The following GCGR variants were observed in gnomAD, a reference collection of about 807,000 sequenced individuals.
The protein encoded by GCGR is glucagon receptor.
A neutral mutation model predicts 56.1 loss-of-function variants in GCGR; 41 were observed. The ratio of observed to expected loss-of-function variants is 0.73; its 90% CI spans 0.57 to 0.95. GCGR has a LOEUF of 0.95. Among genes scored for constraint, GCGR ranks in the 40% least tolerant of loss-of-function variants. The probability of loss-of-function intolerance (pLI) is 0.00; values close to 1 mark genes in which losing one functional copy is unlikely to be tolerated. For synonymous variants in GCGR, 278 were observed against 271.1 expected (o/e 1.03, Z -0.25); for missense variants, 595 against 638.2 (o/e 0.93, Z 0.73).
rs149501260 is a variant in GCGR, at chr17:81,804,863, C to G, written c.-178+614C>G. On this transcript the variant is annotated intron_variant, in intron 1 of 13. Coordinates refer to ENST00000400723, the MANE Select transcript of GCGR (RefSeq NM_000160.5). This position sits in a 1 kb window ranked among gnomAD's most constrained non-coding sequence, Gnocchi z 8.2. ...CCCCACCACCCGGCCGACTCGGCCACCGGGCTTATGCTCCGACTCTGAACC... is the reference window on the plus strand; with the variant it reads ...CCCCACCACCCGGCCGACTCGGCCAGCGGGCTTATGCTCCGACTCTGAACC... Among the ~76,000 whole-genome samples, 398 of 152,094 alleles carry G rather than the reference C, an allele frequency of 2.6e-3. 2 individuals are homozygous for G. Among genetic ancestry groups the G allele is most frequent in the African/African-American group, 8.9e-3 (370 of 41,502 alleles).
At position 81,813,533 on chromosome 17, in the gene GCGR, G is replaced by A. The variant is rs1354798904; in HGVS notation, c.1278G>A (p.Glu426=). ...HRWRLGKVLW[E]ERNTSNHRAS... The stretch of plus-strand genomic sequence containing the variant: ...GGCGCCTGGGCAAAGTGCTATGGGA[G>A]GAGCGGAACACCAGCAACCACAGGG... The change falls in exon 14 of 14, where the codon GAG becomes GAA. Residue 426 remains glutamate, a synonymous_variant. Transcript: ENST00000400723. The surrounding 1 kb of genome is among the most constrained non-coding windows in gnomAD (Gnocchi z 5.3). The A allele has an allele frequency of 1.3e-6, 2 of 1,536,006 alleles. No homozygotes were observed. The highest frequency in any genetic ancestry group is 1.2e-5 in the South Asian group (1 of 84,064).
In GCGR at chr17:81,810,274, C is replaced by G; in HGVS notation, c.163+390C>G. On this transcript the variant is annotated intron_variant, in intron 3 of 13. Coordinates refer to ENST00000400723, the MANE Select transcript of GCGR (RefSeq NM_000160.5). This position sits in a 1 kb window ranked among gnomAD's most constrained non-coding sequence, Gnocchi z 4.6. ...TGGAGAGTGTATATCATGGCCTGGA[C>G]ACTTGGGGTGCAGGGAGAGGATAGG... 2.8e-6 allele frequency: 1 copy of G among 361,634 alleles called. No homozygotes were observed. Among genetic ancestry groups the G allele is most frequent in the Non-Finnish European group, 5.3e-6 (1 of 186,932 alleles). The allele number at this position is 361,634 out of a possible 1,614,324, so 22.4% of individuals were successfully genotyped here. A position where few individuals can be genotyped will look rare whatever the true frequency, so the allele number is the denominator to read the frequency against.
rs1316349295 is a variant in GCGR, at chr17:81,811,332, G to A, written c.500+4G>A. 6.5e-7 allele frequency: 1 copy of A among 1,534,632 alleles called. No individual in the cohort carries two copies. Among genetic ancestry groups the A allele is most frequent in the Non-Finnish European group, 8.7e-7 (1 of 1,145,692 alleles). ...TGGCCATCCTGGGGGGCCTCAGGTA[G>A]GATTCCGCCAGCGCCCGGGGCGGCC... On this transcript the variant is annotated splice_donor_region_variant and intron_variant, in intron 6 of 13. Transcript: ENST00000400723. The surrounding 1 kb of genome is among the most constrained non-coding windows in gnomAD (Gnocchi z 5.8).
chr17:81,811,035 A>T lies in GCGR; in HGVS notation c.297A>T (p.Arg99Ser), dbSNP rs1193513499. 6.5e-7 allele frequency: 1 copy of T among 1,535,930 alleles called. No homozygotes were observed. Among genetic ancestry groups the T allele is most frequent in the African/African-American group, 1.4e-5 (1 of 72,998 alleles). Residue 99 changes from arginine to serine, a missense_variant, in exon 5 of 14, where the codon AGA (arginine) becomes AGT (serine). Coordinates refer to ENST00000400723, the MANE Select transcript of GCGR (RefSeq NM_000160.5). The surrounding 1 kb of genome is among the most constrained non-coding windows in gnomAD (Gnocchi z 5.8). Reference protein sequence around the residue: ...HKVQHRFVFKRCGPDGQWVRG... With the variant: ...HKVQHRFVFKSCGPDGQWVRG... ...TGCAACACCGCTTCGTGTTCAAGAG[A>T]TGCGGGCCCGACGGTCAGTGGGTGC...
At position 81,809,726 on chromosome 17, in the gene GCGR, T is replaced by TCTGTCTACCTGC. The variant is rs1555709456; in HGVS notation, c.61-50_61-49insACCTGCCTGTCT. On this transcript the variant is annotated intron_variant, in intron 2 of 13. Transcript: ENST00000400723. ...GCCTGTCTGCCTGTCTGTCTGCCTG[T>TCTGTCTACCTGC]CTGTCTGCCTGCCTGTCTGTCTGTC... The TCTGTCTACCTGC allele has an allele frequency of 8.9e-4, 1,159 of 1,300,566 alleles. 13 individuals are homozygous for TCTGTCTACCTGC. The African/African-American group carries it at 0.015, about 17-fold the overall frequency. The allele number at this position is 1,300,566 out of a possible 1,614,324, so 80.6% of individuals were successfully genotyped here.
rs896547621 is a variant in GCGR at position 81,806,786 on chromosome 17, C to T, written c.-177-2056C>T. ...TCCTCCCCCCAGGGTGAGCACGCGT[C>T]CCCCCCCACCCCCACTTCGAGGCGC... On this transcript the variant is annotated intron_variant, in intron 1 of 13. Transcript: ENST00000400723. This position sits in a 1 kb window ranked among gnomAD's most constrained non-coding sequence, Gnocchi z 6.5. 3.3e-3 allele frequency among the ~76,000 whole-genome samples: 2 copies of T among 612 alleles called. No individual in the cohort carries two copies. The highest frequency in any genetic ancestry group is 0.022 in the African/African-American group (2 of 92). 0.4% of individuals were successfully genotyped at this position (612 alleles called of 152,430 possible). A position where few individuals can be genotyped will look rare whatever the true frequency, so the allele number is the denominator to read the frequency against.
chr17:81,811,841 G>T lies in GCGR; in HGVS notation c.817+31G>T. On this transcript the variant is annotated intron_variant, in intron 8 of 13. Coordinates refer to ENST00000400723, the MANE Select transcript of GCGR (RefSeq NM_000160.5). This position sits in a 1 kb window ranked among gnomAD's most constrained non-coding sequence, Gnocchi z 5.8. ...TGGGCTGGCATGAGAGGGGGTTAAG[G>T]CAGGCTGACCAAGCCTTTGGGACCA... 6.5e-7 allele frequency: 1 copy of T among 1,537,034 alleles called. No individual in the cohort carries two copies. Among genetic ancestry groups the T allele is most frequent in the Non-Finnish European group, 8.7e-7 (1 of 1,146,890 alleles).
chr17:81,812,426 TG>T lies in GCGR; in HGVS notation c.949-149del, dbSNP rs2038121545. On this transcript the variant is annotated intron_variant, in intron 10 of 13. Transcript: ENST00000400723. The surrounding 1 kb of genome is among the most constrained non-coding windows in gnomAD (Gnocchi z 8.5). ...GACACTGAGCCAGGCTGTTCCTCCC[TG>T]GCTGTGTGCCCACCAGCCCCAGGGC... is the stretch of plus-strand genomic sequence containing the variant. 1 of 1,038,200 alleles carries T rather than the reference TG, an allele frequency of 9.6e-7. No homozygotes were observed. The highest frequency in any genetic ancestry group is 2.6e-5 in the East Asian group (1 of 38,308). The allele number at this position is 1,038,200 out of a possible 1,614,324, so 64.3% of individuals were successfully genotyped here.
Position 81,811,700 on chromosome 17 carries a change from T to C in GCGR, c.707T>C (p.Val236Ala). ...VAAVFMQYGIVANYCWLLVEG... is the reference protein window; with the variant it reads ...VAAVFMQYGIAANYCWLLVEG... Reference sequence around the variant, plus strand: ...GCGGTGTTCATGCAATATGGCATCGTGGCCAACTACTGCTGGCTGCTGGTG... The same window carrying C: ...GCGGTGTTCATGCAATATGGCATCGCGGCCAACTACTGCTGGCTGCTGGTG... The change falls in exon 8 of 14, where the codon GTG (valine) becomes GCG (alanine). Residue 236 changes from valine to alanine, a missense_variant. Physicochemically the swap from Val to Ala is moderately conservative, Grantham distance 64. Transcript: ENST00000400723. This position sits in a 1 kb window ranked among gnomAD's most constrained non-coding sequence, Gnocchi z 5.8. The C allele has an allele frequency of 1.3e-6, 2 of 1,543,142 alleles. No homozygotes were observed.
rs368849606 is a variant in GCGR at position 81,812,179 on chromosome 17, G to C, written c.879-4G>C. ...CCCAGTATGTGAGTGGCCTGGCCTCGCAGGTGCTGGACCAGCAATGACAAC... is the reference window on the plus strand; with the variant it reads ...CCCAGTATGTGAGTGGCCTGGCCTCCCAGGTGCTGGACCAGCAATGACAAC... On this transcript the variant is annotated splice_region_variant and splice_polypyrimidine_tract_variant and intron_variant, in intron 9 of 13. Coordinates refer to ENST00000400723, the MANE Select transcript of GCGR (RefSeq NM_000160.5). This position sits in a 1 kb window ranked among gnomAD's most constrained non-coding sequence, Gnocchi z 8.5. The C allele has an allele frequency of 1.4e-5, 21 of 1,536,128 alleles. No homozygotes were observed. The highest frequency in any genetic ancestry group is 1.8e-5 in the Non-Finnish European group (21 of 1,146,766).
rs769543584 is a variant in GCGR, at chr17:81,813,703, C to A, written c.*14C>A. 3.3e-6 allele frequency: 5 copies of A among 1,532,766 alleles called. No homozygotes were observed. Among genetic ancestry groups the A allele is most frequent in the Middle Eastern group, 2.1e-4 (1 of 4,814 alleles). 94.9% of individuals were successfully genotyped at this position (1,532,766 alleles called of 1,614,324 possible). ...AGCCCCTTCTGAACCCTGCTGGGAC[C>A]CCAGCTAGGGCTGGACTCTGGCACC... On this transcript the variant is annotated 3_prime_UTR_variant, in exon 14 of 14. Coordinates refer to ENST00000400723, the MANE Select transcript of GCGR (RefSeq NM_000160.5). The surrounding 1 kb of genome is among the most constrained non-coding windows in gnomAD (Gnocchi z 5.3).
In GCGR at chr17:81,813,394, G is replaced by A. The variant is rs529821403; in HGVS notation, c.1219-80G>A. On this transcript the variant is annotated intron_variant, in intron 13 of 13. Transcript: ENST00000400723. The surrounding 1 kb of genome is among the most constrained non-coding windows in gnomAD (Gnocchi z 5.3). Reference sequence around the variant, plus strand: ...CTCAGAGCGGAGACTGGGCATCTCCGATGAGGCCCACAGCAGGTCCCGGTG... The same window carrying A: ...CTCAGAGCGGAGACTGGGCATCTCCAATGAGGCCCACAGCAGGTCCCGGTG... 2.6e-4 allele frequency: 351 copies of A among 1,342,198 alleles called. No individual in the cohort carries two copies. The highest frequency in any genetic ancestry group is 3.0e-4 in the Non-Finnish European group (294 of 982,532). 83.1% of individuals were successfully genotyped at this position (1,342,198 alleles called of 1,614,324 possible). A position where few individuals can be genotyped will look rare whatever the true frequency, so the allele number is the denominator to read the frequency against.
At position 81,813,545 on chromosome 17, in the gene GCGR, C is replaced by T. The variant is rs1032991163; in HGVS notation, c.1290C>T (p.Thr430=). Residue 430 remains threonine (T), a synonymous_variant, in exon 14 of 14, where the codon ACC becomes ACT. Transcript: ENST00000400723. This position sits in a 1 kb window ranked among gnomAD's most constrained non-coding sequence, Gnocchi z 5.3. ...LGKVLWEERN[T]SNHRASSSPG... is the part of the protein sequence containing the mutation. ...AAGTGCTATGGGAGGAGCGGAACAC[C>T]AGCAACCACAGGGCCTCATCTTCGC... The T allele has an allele frequency of 4.6e-6, 7 of 1,536,120 alleles. No individual in the cohort carries two copies. The highest frequency in any genetic ancestry group is 4.1e-5 in the African/African-American group (3 of 73,014).
Position 81,809,891 on chromosome 17 carries a change from C to G in GCGR, c.163+7C>G. ...CTGCTGCCCCCTCCCACGGGTGAGC[C>G]CCCCACCCAGAGCCTTTCAGCCTGT... On this transcript the variant is annotated splice_region_variant and intron_variant, in intron 3 of 13. Coordinates refer to ENST00000400723, the MANE Select transcript of GCGR (RefSeq NM_000160.5). 1 of 1,521,948 alleles carries G rather than the reference C, an allele frequency of 6.6e-7. No homozygotes were observed. Among genetic ancestry groups the G allele is most frequent in the Non-Finnish European group, 8.8e-7 (1 of 1,133,976 alleles). 94.3% of individuals were successfully genotyped at this position (1,521,948 alleles called of 1,614,324 possible). A position where few individuals can be genotyped will look rare whatever the true frequency, so the allele number is the denominator to read the frequency against.
chr17:81,812,978 G>A lies in GCGR; in HGVS notation c.1176+33G>A, dbSNP rs1292987534. On this transcript the variant is annotated intron_variant, in intron 12 of 13. Coordinates refer to ENST00000400723, the MANE Select transcript of GCGR (RefSeq NM_000160.5). This position sits in a 1 kb window ranked among gnomAD's most constrained non-coding sequence, Gnocchi z 8.5. The stretch of plus-strand genomic sequence containing the variant: ...CCCGCCCGCCGGCTCCCCCGCCCGG[G>A]GCGCAGTGTGCCACCCCTGACCACC... 5 of 1,536,118 alleles carry A rather than the reference G, an allele frequency of 3.3e-6. No homozygotes were observed. In the East Asian group the frequency reaches 1.2e-4, roughly 38 times the overall value.
rs560573808 is a variant in GCGR at position 81,811,369 on chromosome 17, G to A, written c.501-35G>A. 3.3e-6 allele frequency: 5 copies of A among 1,534,466 alleles called. No individual in the cohort carries two copies. Among genetic ancestry groups the A allele is most frequent in the Non-Finnish European group, 4.4e-6 (5 of 1,145,208 alleles). Reference sequence around the variant, plus strand: ...CGCCCGGGGCGGCCGCAGAGGACAGGGAGGAGGACGGGCGCTGACTGGCTG... The same window carrying A: ...CGCCCGGGGCGGCCGCAGAGGACAGAGAGGAGGACGGGCGCTGACTGGCTG... On this transcript the variant is annotated intron_variant, in intron 6 of 13. Transcript: ENST00000400723. This position sits in a 1 kb window ranked among gnomAD's most constrained non-coding sequence, Gnocchi z 5.8.
At position 81,812,450 on chromosome 17, in the gene GCGR, G is replaced by T; in HGVS notation, c.949-127G>T. 1 of 1,079,158 alleles carries T rather than the reference G, an allele frequency of 9.3e-7. No homozygotes were observed. The highest frequency in any genetic ancestry group is 1.3e-6 in the Non-Finnish European group (1 of 753,744). 66.8% of individuals were successfully genotyped at this position (1,079,158 alleles called of 1,614,324 possible). A position where few individuals can be genotyped will look rare whatever the true frequency, so the allele number is the denominator to read the frequency against. The stretch of plus-strand genomic sequence containing the variant: ...CTGGCTGTGTGCCCACCAGCCCCAG[G>T]GCTATGTGGCCCAGGGCCTATCTTG... On this transcript the variant is annotated intron_variant, in intron 10 of 13. Coordinates refer to ENST00000400723, the MANE Select transcript of GCGR (RefSeq NM_000160.5). The surrounding 1 kb of genome is among the most constrained non-coding windows in gnomAD (Gnocchi z 8.5).
chr17:81,809,518 C>CCTGT (rs1044432606), intron 2 of GCGR, among the ~76,000 whole-genome samples: 2 of 118,208 alleles, frequency 1.7e-5, no homozygotes, highest in East Asian at 2.8e-4. Flanking sequence ...TGCCTGTCTG[C>CCTGT]CTGCCTGTCT....
Position 81,811,747 on chromosome 17 carries a change from C to G in GCGR, c.754C>G (p.Leu252Val), listed in dbSNP as rs1170426175. ...GGTGGAGGGCCTGTACCTGCACAAC[C>G]TGCTGGGCCTGGCCACCCTCCCCGA... Reference protein sequence around the residue: ...LLVEGLYLHNLLGLATLPERS... With the variant: ...LLVEGLYLHNVLGLATLPERS... Residue 252 changes from leucine to valine, a missense_variant, in exon 8 of 14, where the codon CTG becomes GTG. Transcript: ENST00000400723. The surrounding 1 kb of genome is among the most constrained non-coding windows in gnomAD (Gnocchi z 5.8). 1 of 1,541,682 alleles carries G rather than the reference C, an allele frequency of 6.5e-7. No homozygotes were observed. The highest frequency in any genetic ancestry group is 8.7e-7 in the Non-Finnish European group (1 of 1,149,856).
Sources: allele counts gnomAD v4.1 joint callset (sites outside exome capture counted in the v4.1 genomes callset), GRCh38; gene constraint gnomAD v4.1.1; non-coding constraint Gnocchi (gnomAD v3.1); transcripts MANE v1.5; gene names NCBI Gene and HGNC (gene_info 2026-07-23, HGNC 2026-07-21).